Variants in CNBD2 observed in about 807,000 individuals in gnomAD.
CNBD2 encodes cyclic nucleotide binding domain containing 2, also known as cyclic nucleotide-binding domain-containing protein 2.
Under a neutral mutation model 63.7 loss-of-function variants are expected in CNBD2, and 64 were observed. The observed-to-expected ratio is 1.00, with a 90% CI of 0.82 to 1.24. CNBD2 has a LOEUF of 1.24. CNBD2 is among the 50% of genes most tolerant of loss of function. CNBD2 has a pLI of 0.00. For synonymous variants in CNBD2, 229 were observed against 255.4 expected (o/e 0.90, Z 0.99); for missense variants, 691 against 713.5 (o/e 0.97, Z 0.36).
At chr20:35,966,026 C>T (rs6058382), upstream of CNBD2, among the ~76,000 whole-genome samples, 40,522 of 152,000 alleles carry the variant, frequency 0.27, 6,524 homozygotes, top group African/African-American at 0.46. Flanking sequence ...AGAGGACTGA[C>T]GGGACACCCT....
chr20:35,980,183 C>CG (rs1568865933), intron 3 of CNBD2, among the ~76,000 whole-genome samples: 1 of 152,092 alleles, frequency 6.6e-6, no homozygotes, highest in Non-Finnish European at 1.5e-5. Flanking sequence ...CAACACAGGT[C>CG]GGGGGGATGT....
chr20:36,027,866 A>G (rs2057300061), intron 11 of CNBD2, among the ~76,000 whole-genome samples: 1 of 152,026 alleles, frequency 6.6e-6, no homozygotes, highest in South Asian at 2.1e-4. Context: ...GGGTTTCACC[A>G]TGTTGGCCAG....
intron 8 of CNBD2, among the ~76,000 whole-genome samples, chr20:35,995,814 A>G (rs2056817176): frequency 6.6e-6 from 1 of 152,202 alleles, no homozygotes; most frequent in African/African-American, 2.4e-5. Context: ...TCTGGGTCAT[A>G]TGGTATCTTA....
intron 2 of CNBD2, among the ~76,000 whole-genome samples, chr20:35,975,446 G>T (rs1402100528): frequency 9.9e-6 from 1 of 100,900 alleles, no homozygotes. Context: ...GACTACAGGC[G>T]CCCGCTACCA....
intron 8 of CNBD2, among the ~76,000 whole-genome samples, chr20:36,006,263 C>T (rs571112342): frequency 3.3e-5 from 5 of 152,108 alleles, no homozygotes; most frequent in African/African-American, 9.6e-5. Flanking sequence ...CTCCTGACCT[C>T]TTGATCTGCC....
intron 3 of CNBD2, 101 bp downstream of exon 3, chr20:35,976,103 C>G: frequency 9.7e-7 from 1 of 1,035,224 alleles, no homozygotes; most frequent in Admixed American, 1.9e-5. Flanking sequence ...TCAGTCTAGG[C>G]TCTGCCACCA....
At chr20:35,955,423 A>G (rs2056245384), downstream of CNBD2, 1 of 152,232 alleles carries the variant, frequency 6.6e-6, no homozygotes, top group Non-Finnish European at 1.5e-5. Context: ...TTGCATGTGC[A>G]GTTTACATTA....
chr20:36,026,369 G>A (rs1258795944), intron 11 of CNBD2, among the ~76,000 whole-genome samples: 3 of 152,042 alleles, frequency 2.0e-5, no homozygotes, highest in East Asian at 3.8e-4. Flanking sequence ...CTAGACTCCC[G>A]CAAGTCTTAT....
intron 1 of CNBD2, among the ~76,000 whole-genome samples, chr20:35,971,921 G>T (rs1180348370): frequency 6.6e-6 from 1 of 152,036 alleles, no homozygotes; most frequent in African/African-American, 2.4e-5. Flanking sequence ...GTATTCACTT[G>T]TTCTCAGTCT....
rs773637797 is a variant in CNBD2, at chr20:35,995,146, C to A, written c.964C>A (p.Leu322Met). 2.5e-6 allele frequency: 4 copies of A among 1,612,062 alleles called. No homozygotes were observed. Among genetic ancestry groups the A allele is most frequent in the Non-Finnish European group, 2.5e-6 (3 of 1,178,452 alleles). ...LIDGRPLKTH[L>M]SEYSPMERFK... ...AGATGGCAGACCTCTGAAGACCCAC[C>A]TGAGTGGTAAGCTGCCTTGGCCTGT... is the stretch of plus-strand genomic sequence containing the variant. Residue 322 changes from leucine to methionine, a missense_variant, in exon 8 of 12, where the codon CTG (leucine) becomes ATG (methionine). Transcript: ENST00000373973.
intron 9 of CNBD2, among the ~76,000 whole-genome samples, chr20:36,010,935 C>T (rs1334824581): frequency 6.6e-6 from 1 of 152,174 alleles, no homozygotes; most frequent in Non-Finnish European, 1.5e-5. Flanking sequence ...TCACCTTCCT[C>T]TCCCAAGTCT....
At chr20:36,013,584 G>A (rs942037267) in intron 10 of CNBD2, among the ~76,000 whole-genome samples, 1 of 152,182 alleles carries the variant, frequency 6.6e-6, no homozygotes, top group Non-Finnish European at 1.5e-5. Context: ...AGTGGAACTG[G>A]TAAGACTAAA....
intron 8 of CNBD2, among the ~76,000 whole-genome samples, chr20:36,002,570 C>T (rs985495352): frequency 1.3e-5 from 2 of 152,200 alleles, no homozygotes; most frequent in Non-Finnish European, 2.9e-5. Context: ...GGATTACAGG[C>T]ATAAGCCACT....
At position 36,023,645 on chromosome 20, in the gene CNBD2, G is replaced by A. The variant is rs773539864; in HGVS notation, c.1313G>A (p.Arg438Gln). ...AFLPEGECDT[R>Q]PLILMSLGNE... ...CTTCCAGAGGGTGAATGCGACACAC[G>A]ACCCTTGATCCTGATGAGCCTGGGA... Residue 438 changes from arginine to glutamine, a missense_variant, in exon 11 of 12, where the codon CGA becomes CAA. By Grantham distance (43) the Arg-to-Gln change is conservative. Coordinates refer to ENST00000373973, the MANE Select transcript of CNBD2 (RefSeq NM_001365709.1). 6 of 1,612,612 alleles carry A rather than the reference G, an allele frequency of 3.7e-6. No homozygotes were observed. The highest frequency in any genetic ancestry group is 2.7e-5 in the African/African-American group (2 of 74,788).
At chr20:36,003,502 C>T (rs572798596) in intron 8 of CNBD2, among the ~76,000 whole-genome samples, 3 of 152,212 alleles carry the variant, frequency 2.0e-5, no homozygotes, top group African/African-American at 4.8e-5. Flanking sequence ...GTTTCCCATT[C>T]GTGAAGTAAA....
intron 3 of CNBD2, among the ~76,000 whole-genome samples, chr20:35,978,534 C>T (rs1319965462): frequency 2.0e-5 from 3 of 152,054 alleles, no homozygotes; most frequent in African/African-American, 4.8e-5. Context: ...TTAGTAGAGA[C>T]GGGGTTTCAC....
At position 36,001,497 on chromosome 20, in the gene CNBD2, A is replaced by AC. The variant is rs1278837227; in HGVS notation, c.970+6352dup. Among the ~76,000 whole-genome samples the AC allele has an allele frequency of 5.0e-3, 611 of 121,074 alleles. 1 individual carries two copies. The highest frequency in any genetic ancestry group is 0.019 in the African/African-American group (572 of 30,594). The allele number at this position is 121,074 out of a possible 152,430, so 79.4% of individuals were successfully genotyped here. On this transcript the variant is annotated intron_variant, in intron 8 of 11. Transcript: ENST00000373973. ...GGGCGGCTGGCCGGGCGGGGGGCTG[A>AC]CCCCCCCACCTCCCTCCCGGACGGG...
downstream of CNBD2, among the ~76,000 whole-genome samples, chr20:35,955,836 C>A (rs1477208065): frequency 3.3e-5 from 5 of 152,160 alleles, no homozygotes; most frequent in East Asian, 9.6e-4. Flanking sequence ...TCTCCTCCCT[C>A]CGCCTCCCGA....
chr20:35,972,666 T>C lies in CNBD2; in HGVS notation c.89T>C (p.Ile30Thr). The C allele has an allele frequency of 6.2e-7, 1 of 1,614,090 alleles. No homozygotes were observed. Among genetic ancestry groups the C allele is most frequent in the Non-Finnish European group, 8.5e-7 (1 of 1,179,972 alleles). ...CTCGCCATGGATATCATCATAATGATCCGAGTGTGTAAAATGTTCCGCCAA... is the reference window on the plus strand; with the variant it reads ...CTCGCCATGGATATCATCATAATGACCCGAGTGTGTAAAATGTTCCGCCAA... Reference protein sequence around the residue: ...YQLAMDIIIMIRVCKMFRQGL... With the variant: ...YQLAMDIIIMTRVCKMFRQGL... The change falls in exon 2 of 12, where the codon ATC (isoleucine) becomes ACC (threonine). Residue 30 changes from isoleucine to threonine, a missense_variant. Transcript: ENST00000373973.
Sources: allele counts gnomAD v4.1 joint callset (sites outside exome capture counted in the v4.1 genomes callset), GRCh38; gene constraint gnomAD v4.1.1; transcripts MANE v1.5; gene names NCBI Gene and HGNC (gene_info 2026-07-23, HGNC 2026-07-21).